The following CRY2 variants were observed in gnomAD, a reference collection of about 807,000 sequenced individuals.
The protein encoded by CRY2 is cryptochrome circadian regulator 2, also known as cryptochrome-2.
CRY2 carries 31 observed loss-of-function variants against 69.5 expected under a neutral mutation model. That is an observed-to-expected ratio of 0.45 (90% CI 0.34 to 0.60). The LOEUF (loss-of-function observed/expected upper bound fraction) is 0.60, where lower values mean the gene tolerates loss of function less well. CRY2 is among the 20% of genes least tolerant of loss of function. CRY2 has a pLI of 0.02. For missense variants in CRY2, 606 were observed against 797.8 expected, an observed-to-expected ratio of 0.76 and a Z score of 2.90; for synonymous variants, 303 against 312.2, an observed-to-expected ratio of 0.97 and a Z score of 0.31.
intron 1 of CRY2, among the ~76,000 whole-genome samples, chr11:45,849,975 G>A (rs1479710043): frequency 6.6e-6 from 1 of 150,404 alleles, no homozygotes; most frequent in Non-Finnish European, 1.5e-5. Flanking sequence ...TGGGCATTAA[G>A]GTTTGGGGAT....
In CRY2 at chr11:45,858,669, G is replaced by A; in HGVS notation, c.325-62G>A. On this transcript the variant is annotated intron_variant, in intron 2 of 11. Transcript: ENST00000616080. Reference sequence around the variant, plus strand: ...CTGTTCTCTCCCAGGAAGGAACTGAGAGTCCAGCTTCCCCCTCCTCCCCAA... The same window carrying A: ...CTGTTCTCTCCCAGGAAGGAACTGAAAGTCCAGCTTCCCCCTCCTCCCCAA... 4 of 1,542,760 alleles carry A rather than the reference G, an allele frequency of 2.6e-6. No homozygotes were observed. The South Asian group carries it at 3.7e-5, about 14-fold the overall frequency.
intron 11 of CRY2, among the ~76,000 whole-genome samples, chr11:45,874,803 C>T (rs949131266): frequency 7.9e-5 from 12 of 151,994 alleles, no homozygotes; most frequent in African/African-American, 1.7e-4. Flanking sequence ...ATTAGCCAGG[C>T]GTGGTGGCAG....
chr11:45,847,790 C>T (rs1006471747), intron 1 of CRY2, 85 bp downstream of exon 1: 4 of 1,437,116 alleles, frequency 2.8e-6, no homozygotes, highest in Non-Finnish European at 3.7e-6. Flanking sequence ...TCCCCCCAAC[C>T]CCGCCACGGC....
chr11:45,862,654 G>T (rs1046987754), intron 5 of CRY2, among the ~76,000 whole-genome samples: 1 of 152,188 alleles, frequency 6.6e-6, no homozygotes, highest in Non-Finnish European at 1.5e-5. Flanking sequence ...TCATCTGTGG[G>T]CAGGTTCCCC....
intron 1 of CRY2, among the ~76,000 whole-genome samples, chr11:45,854,008 G>T (rs957697870): frequency 1.3e-5 from 2 of 152,254 alleles, no homozygotes; most frequent in Admixed American, 6.5e-5. Context: ...CTAGAATGTG[G>T]GTCGGTGGCA....
At chr11:45,864,366 T>TCCAAGGGAGGCCCA (rs1206269764) in intron 5 of CRY2, among the ~76,000 whole-genome samples, 1 of 152,206 alleles carries the variant, frequency 6.6e-6, no homozygotes, top group African/African-American at 2.4e-5. Flanking sequence ...CTCACACCTG[T>TCCAAGGGAGGCCCA]AATCTTAGCA....
At chr11:45,868,008 G>C (rs1393360037) in intron 6 of CRY2, 1 of 495,826 alleles carries the variant, frequency 2.0e-6, no homozygotes, top group African/African-American at 1.9e-5. Context: ...AGAAAAGCAG[G>C]CCTCAGGTGT....
intron 11 of CRY2, 99 bp downstream of exon 11, chr11:45,872,332 GA>G: frequency 8.7e-7 from 1 of 1,146,208 alleles, no homozygotes; most frequent in Non-Finnish European, 1.3e-6. Context: ...CAAACTAGAT[GA>G]AAATCTGGTG....
chr11:45,868,877 C>T (rs1391820536), intron 6 of CRY2, among the ~76,000 whole-genome samples: 1 of 152,198 alleles, frequency 6.6e-6, no homozygotes, highest in Non-Finnish European at 1.5e-5. Flanking sequence ...CTCAGGCCAT[C>T]CACCCACCTC....
intron 3 of CRY2, among the ~76,000 whole-genome samples, chr11:45,859,818 G>A (rs1004397237): frequency 2.6e-5 from 4 of 151,956 alleles, no homozygotes; most frequent in Admixed American, 1.3e-4. Flanking sequence ...AGCAGCCGCC[G>A]CCGCTCCCCA....
At chr11:45,880,450 C>T (rs2086462567) in intron 11 of CRY2, among the ~76,000 whole-genome samples, 1 of 152,180 alleles carries the variant, frequency 6.6e-6, no homozygotes, top group Non-Finnish European at 1.5e-5. Flanking sequence ...GAAATGTGCT[C>T]ACCTGCTGAT....
chr11:45,878,254 T>G (rs756687716), intron 11 of CRY2, among the ~76,000 whole-genome samples: 5 of 152,328 alleles, frequency 3.3e-5, no homozygotes, highest in South Asian at 2.1e-4. Context: ...AAGCCTATCC[T>G]TGGGCTCCTT....
chr11:45,878,658 T>TA (rs1333188444), intron 11 of CRY2, among the ~76,000 whole-genome samples: 2 of 152,080 alleles, frequency 1.3e-5, no homozygotes, highest in Non-Finnish European at 1.5e-5. Flanking sequence ...TGCGGTGGCT[T>TA]ACGCCTGTAA....
At chr11:45,866,856 C>T (rs2086334383) in intron 5 of CRY2, among the ~76,000 whole-genome samples, 2 of 151,720 alleles carry the variant, frequency 1.3e-5, no homozygotes, top group African/African-American at 2.4e-5. Context: ...CCAAGGTGGG[C>T]GATCAGGAGA....
Position 45,847,547 on chromosome 11 carries a change from G to A in CRY2, c.57G>A (p.Thr19=), listed in dbSNP as rs376023865. 5.5e-5 allele frequency: 88 copies of A among 1,590,160 alleles called. 1 individual carries two copies. In the African/African-American group the frequency reaches 1.0e-3, roughly 18 times the overall value. Residue 19 remains threonine (T), a synonymous_variant, in exon 1 of 12, where the codon ACG becomes ACA. Transcript: ENST00000616080. ...TGGCCCCGGCGCCAGCGCCCGGCAC[G>A]GACAGCGCCTCTTCGGTGCACTGGT... is the stretch of plus-strand genomic sequence containing the variant. ...AAVAPAPAPG[T]DSASSVHWFR...
At chr11:45,870,620 AG>A in intron 9 of CRY2, 88 bp downstream of exon 9, 1 of 1,474,754 alleles carries the variant, frequency 6.8e-7, no homozygotes, top group Non-Finnish European at 9.3e-7. Flanking sequence ...ATACTTGCAA[AG>A]GGAGACTGAG....
intron 11 of CRY2, among the ~76,000 whole-genome samples, chr11:45,874,423 G>T (rs2086410312): frequency 6.6e-6 from 1 of 152,164 alleles, no homozygotes. Context: ...GCTGGTCTGG[G>T]CTTGGGTGGC....
intron 6 of CRY2, among the ~76,000 whole-genome samples, 166 bp from the exon 7 acceptor site, chr11:45,869,340 C>T (rs1054079233): frequency 6.6e-6 from 1 of 152,210 alleles, no homozygotes; most frequent in Non-Finnish European, 1.5e-5. Flanking sequence ...CTGGGTGTTT[C>T]ACATGCAGGC....
chr11:45,870,099 G>T lies in CRY2; in HGVS notation c.1241G>T (p.Gly414Val). ...LLDADFSVNA[G>V]SWMWLSCSAF... ...GATGCAGATTTCAGCGTGAACGCAG[G>T]CAGCTGGATGTGGCTGTCCTGCAGT... The change falls in exon 8 of 12, where the codon GGC (glycine) becomes GTC (valine). Residue 414 changes from glycine (G) to valine (V), a missense_variant. Gly to Val is a moderately radical substitution (Grantham distance 109). This residue lies in a region of CRY2 where 382 missense variants were observed against 508.9 expected (regional missense o/e 0.75). Coordinates refer to ENST00000616080, the MANE Select transcript of CRY2 (RefSeq NM_021117.5). The T allele has an allele frequency of 6.2e-7, 1 of 1,612,692 alleles. No individual in the cohort carries two copies.
Sources: gnomAD v4.1 joint callset for allele counts (sites outside exome capture counted in the v4.1 genomes callset) on GRCh38, gnomAD v4.1.1 for gene constraint, gnomAD v4.1.1 regional missense constraint, MANE v1.5 for transcripts, NCBI Gene and HGNC (gene_info 2026-07-23, HGNC 2026-07-21) for gene names.